Variants in SLC25A13 observed in about 807,000 individuals in gnomAD.
The protein encoded by SLC25A13 is solute carrier family 25 member 13.
SLC25A13 carries 70 observed loss-of-function variants against 85.5 expected under a neutral mutation model. That is an observed-to-expected ratio of 0.82 (90% confidence interval 0.68 to 1.00). SLC25A13 has a LOEUF of 1.00. Ranked by LOEUF, SLC25A13 falls within the 50% of genes least tolerant of loss-of-function variation. The pLI, the probability that SLC25A13 is intolerant of heterozygous loss-of-function variation, is 0.00. For synonymous variants in SLC25A13, 259 were observed against 288.7 expected (o/e 0.90, Z 1.04); for missense variants, 765 against 819.8 (o/e 0.93, Z 0.82).
At chr7:96,242,982 G>A (rs1183329999) in intron 3 of SLC25A13, among the ~76,000 whole-genome samples, 2 of 149,224 alleles carry the variant, frequency 1.3e-5, no homozygotes, top group African/African-American at 4.9e-5. Flanking sequence ...TTTTTTTTTT[G>A]AGACGGAGTC....
chr7:96,245,763 C>A (rs980100597), intron 3 of SLC25A13, among the ~76,000 whole-genome samples: 1 of 151,966 alleles, frequency 6.6e-6, no homozygotes, highest in African/African-American at 2.4e-5. Flanking sequence ...GTATTGCCTT[C>A]AAAGCAGGAG....
intron 7 of SLC25A13, 148 bp downstream of exon 7, chr7:96,190,957 TTGTC>T: frequency 9.8e-7 from 1 of 1,016,388 alleles, no homozygotes; most frequent in Admixed American, 1.9e-5. Context: ...TTGCTTTTGT[TTGTC>T]TGATCAAAGG....
chr7:96,246,637 A>G (rs1250914490), intron 3 of SLC25A13, among the ~76,000 whole-genome samples: 2 of 152,236 alleles, frequency 1.3e-5, no homozygotes, highest in East Asian at 3.8e-4. Context: ...ATTATCAATT[A>G]CTCGGGAACA....
chr7:96,283,735 G>A, intron 2 of SLC25A13: 1 of 242,256 alleles, frequency 4.1e-6, no homozygotes, highest in South Asian at 5.4e-5. Flanking sequence ...GCTCCACGCA[G>A]AGAAGCACAC....
intron 14 of SLC25A13, among the ~76,000 whole-genome samples, chr7:96,139,340 C>T (rs1016258972): frequency 2.6e-5 from 4 of 152,218 alleles, no homozygotes; most frequent in East Asian, 3.9e-4. Context: ...GCAACAAACC[C>T]GCACATGTTC....
At chr7:96,235,150 A>G (rs1421092733) in intron 3 of SLC25A13, among the ~76,000 whole-genome samples, 2 of 152,254 alleles carry the variant, frequency 1.3e-5, no homozygotes, top group African/African-American at 4.8e-5. Context: ...TAAATACATT[A>G]TAATTTCAAA....
intron 3 of SLC25A13, among the ~76,000 whole-genome samples, chr7:96,238,038 C>G (rs927821175): frequency 8.6e-5 from 13 of 152,040 alleles, no homozygotes; most frequent in African/African-American, 3.1e-4. Flanking sequence ...AAATCCCAAC[C>G]CCTAGAACCT....
intron 14 of SLC25A13, among the ~76,000 whole-genome samples, chr7:96,137,697 G>T (rs1244450937): frequency 6.6e-6 from 1 of 151,880 alleles, no homozygotes; most frequent in African/African-American, 2.4e-5. Flanking sequence ...TGCAATCTTG[G>T]CTCACTGCAA....
intron 9 of SLC25A13, among the ~76,000 whole-genome samples, chr7:96,187,445 T>C (rs111383319): frequency 4.9e-4 from 75 of 152,358 alleles, no homozygotes; most frequent in African/African-American, 1.8e-3. Context: ...GCAAATTCTA[T>C]GAGTTGTTTC....
At chr7:96,242,883 C>G (rs1201179288) in intron 3 of SLC25A13, among the ~76,000 whole-genome samples, 1 of 152,236 alleles carries the variant, frequency 6.6e-6, no homozygotes, top group Non-Finnish European at 1.5e-5. Context: ...GGCACATGTT[C>G]TCAGGATCTC....
intron 5 of SLC25A13, among the ~76,000 whole-genome samples, chr7:96,197,082 C>T (rs1351717321): frequency 2.6e-5 from 4 of 152,144 alleles, no homozygotes; most frequent in Non-Finnish European, 5.9e-5. Flanking sequence ...ATTCAAGCCT[C>T]AGCATTTCTA....
chr7:96,307,894 G>A (rs1436876637), intron 1 of SLC25A13, among the ~76,000 whole-genome samples: 1 of 151,828 alleles, frequency 6.6e-6, no homozygotes, highest in Non-Finnish European at 1.5e-5. Context: ...GCTCACGCCT[G>A]TAATCCCAGC....
At chr7:96,190,999 AAT>A (rs1794825123) in intron 7 of SLC25A13, 108 bp downstream of exon 7, 2 of 1,248,522 alleles carry the variant, frequency 1.6e-6, no homozygotes, top group South Asian at 1.2e-5. Flanking sequence ...TCATATAGTT[AAT>A]ATGTGTCAAT....
chr7:96,273,127 T>C (rs1798310712), intron 3 of SLC25A13, among the ~76,000 whole-genome samples: 1 of 152,162 alleles, frequency 6.6e-6, no homozygotes, highest in Non-Finnish European at 1.5e-5. Flanking sequence ...GCTCCTAACC[T>C]ATACCCCAGA....
intron 4 of SLC25A13, among the ~76,000 whole-genome samples, chr7:96,211,211 C>G (rs1453010841): frequency 6.6e-6 from 1 of 152,146 alleles, no homozygotes; most frequent in Non-Finnish European, 1.5e-5. Flanking sequence ...CTTACTAGAG[C>G]TCACATTTGA....
At chr7:96,154,720 G>C (rs1332972898) in intron 13 of SLC25A13, among the ~76,000 whole-genome samples, 1 of 151,946 alleles carries the variant, frequency 6.6e-6, no homozygotes, top group African/African-American at 2.4e-5. Flanking sequence ...ATCCTAATGA[G>C]TAATGCGATG....
At chr7:96,266,087 C>A (rs1798035290) in intron 3 of SLC25A13, among the ~76,000 whole-genome samples, 1 of 152,194 alleles carries the variant, frequency 6.6e-6, no homozygotes, top group African/African-American at 2.4e-5. Flanking sequence ...TCAGACAAAA[C>A]CTTATTTGCT....
At chr7:96,279,469 G>A (rs185008200) in intron 2 of SLC25A13, among the ~76,000 whole-genome samples, 31 of 152,178 alleles carry the variant, frequency 2.0e-4, no homozygotes, top group Non-Finnish European at 3.7e-4. Flanking sequence ...CGAATGAGGA[G>A]CAAAGTCACA....
chr7:96,202,016 AG>A (rs1562838706), intron 5 of SLC25A13, among the ~76,000 whole-genome samples: 1 of 152,206 alleles, frequency 6.6e-6, no homozygotes, highest in African/African-American at 2.4e-5. Flanking sequence ...TCTAGGGCTC[AG>A]GATCTAAATA....
Sources: allele counts gnomAD v4.1 joint callset (sites outside exome capture counted in the v4.1 genomes callset), GRCh38; gene constraint gnomAD v4.1.1; transcripts MANE v1.5; gene names NCBI Gene and HGNC (gene_info 2026-07-23, HGNC 2026-07-21).